The following KCNQ5 variants were observed in gnomAD, a reference collection of about 807,000 sequenced individuals.
KCNQ5 encodes the protein potassium voltage-gated channel subfamily Q member 5, also known as potassium voltage-gated channel subfamily KQT member 5.
In KCNQ5, 30 loss-of-function variants were observed where a neutral mutation model predicts 98.2. That is an observed-to-expected ratio of 0.31 (90% CI 0.23 to 0.41). The LOEUF (loss-of-function observed/expected upper bound fraction) is 0.41. Among genes scored for constraint, KCNQ5 ranks in the 10% least tolerant of loss-of-function variants. The pLI, the probability that KCNQ5 is intolerant of heterozygous loss-of-function variation, is 1.00. For synonymous variants in KCNQ5, 458 were observed against 449.4 expected (o/e 1.02, Z -0.24); for missense variants, 835 against 1,182.5 (o/e 0.71, Z 4.31).
chr6:72,716,922 TG>T (rs1561939371), intron 1 of KCNQ5, among the ~76,000 whole-genome samples: 1 of 152,244 alleles, frequency 6.6e-6, no homozygotes, highest in Admixed American at 6.5e-5. Context: ...ATCCACACAA[TG>T]TTTATTAAAC....
At chr6:72,911,076 T>C (rs573610581) in intron 1 of KCNQ5, among the ~76,000 whole-genome samples, 1 of 152,274 alleles carries the variant, frequency 6.6e-6, no homozygotes, top group Admixed American at 6.5e-5. Context: ...CCAAGGGCAA[T>C]GGAAAGCCGA....
At chr6:72,742,674 A>G (rs958464644) in intron 1 of KCNQ5, among the ~76,000 whole-genome samples, 1 of 152,226 alleles carries the variant, frequency 6.6e-6, no homozygotes, top group African/African-American at 2.4e-5. Flanking sequence ...TGATATATTT[A>G]TTAAAAACCC....
rs113928391 is a variant in KCNQ5 at position 72,622,726 on chromosome 6, G to A, written c.398+139G>A. 3,102 of 864,618 alleles carry A rather than the reference G, an allele frequency of 3.6e-3. 64 individuals are homozygous for A. The African/African-American group carries it at 0.046, about 13-fold the overall frequency. 53.6% of individuals were successfully genotyped at this position (864,618 alleles called of 1,614,324 possible). ...CTTTTATTTCTTCGCACGTGTTCGT[G>A]GTCTTCCTTCTGGAGCCTCTCCCCT... On this transcript the variant is annotated intron_variant, in intron 1 of 13. Transcript: ENST00000370398. This position sits in a 1 kb window ranked among gnomAD's most constrained non-coding sequence, Gnocchi z 6.0.
chr6:72,970,920 A>G (rs1057464989), intron 1 of KCNQ5, among the ~76,000 whole-genome samples: 1 of 152,244 alleles, frequency 6.6e-6, no homozygotes, highest in African/African-American at 2.4e-5. Flanking sequence ...AGGCAATACC[A>G]TTCAGGGCAT....
chr6:72,789,055 G>A (rs1194355131), intron 1 of KCNQ5, among the ~76,000 whole-genome samples: 5 of 152,126 alleles, frequency 3.3e-5, no homozygotes, highest in African/African-American at 1.2e-4. Flanking sequence ...TGGAGCCAAA[G>A]GCATTATCTG....
chr6:72,986,898 G>A (rs1768806101), intron 1 of KCNQ5: 10 of 855,622 alleles, frequency 1.2e-5, no homozygotes, highest in Non-Finnish European at 2.0e-5. Context: ...GCGGACACTT[G>A]CTCAGTGGGG....
intron 1 of KCNQ5, among the ~76,000 whole-genome samples, chr6:72,911,071 G>A (rs1779924582): frequency 1.3e-5 from 2 of 152,098 alleles, no homozygotes; most frequent in South Asian, 4.1e-4. Flanking sequence ...GTATCCCAAG[G>A]GCAATGGAAA....
At chr6:73,186,177 T>C (rs970132474) in intron 11 of KCNQ5, among the ~76,000 whole-genome samples, 2 of 151,896 alleles carry the variant, frequency 1.3e-5, no homozygotes, top group Non-Finnish European at 2.9e-5. Context: ...CAATGAGCCA[T>C]GATTGTGCCA....
At chr6:72,796,160 T>G (rs1191089180) in intron 1 of KCNQ5, among the ~76,000 whole-genome samples, 3 of 152,142 alleles carry the variant, frequency 2.0e-5, no homozygotes, top group Non-Finnish European at 2.9e-5. Context: ...ATTTGCCTAT[T>G]ATAGGCAAGT....
At chr6:72,698,662 T>C (rs1374620810) in intron 1 of KCNQ5, among the ~76,000 whole-genome samples, 3 of 143,880 alleles carry the variant, frequency 2.1e-5, no homozygotes, top group African/African-American at 7.7e-5. Flanking sequence ...TTTTTTTTTT[T>C]TTTTTTTTGG....
At chr6:72,990,668 G>T (rs1769051813) in intron 1 of KCNQ5, among the ~76,000 whole-genome samples, 1 of 124,870 alleles carries the variant, frequency 8.0e-6, no homozygotes, top group Non-Finnish European at 1.6e-5. Context: ...CTGCCTGATT[G>T]CCCTGGCCAG....
intron 1 of KCNQ5, among the ~76,000 whole-genome samples, chr6:72,951,711 T>C (rs1766816963): frequency 6.6e-6 from 1 of 152,214 alleles, no homozygotes; most frequent in Non-Finnish European, 1.5e-5. Context: ...TTATTTTATT[T>C]TAATCCACAG....
At chr6:72,975,239 A>ATT (rs565054587) in intron 1 of KCNQ5, among the ~76,000 whole-genome samples, 2 of 146,792 alleles carry the variant, frequency 1.4e-5, no homozygotes, top group Non-Finnish European at 3.0e-5. Flanking sequence ...ATCAACTTCA[A>ATT]TTTTTTTTTT....
chr6:72,942,116 G>A (rs1286191797), intron 1 of KCNQ5, among the ~76,000 whole-genome samples: 1 of 152,154 alleles, frequency 6.6e-6, no homozygotes, highest in Non-Finnish European at 1.5e-5. Flanking sequence ...AGGGAGGCAG[G>A]TAACAGAGGT....
intron 1 of KCNQ5, among the ~76,000 whole-genome samples, chr6:72,756,875 AT>A (rs1270376618): frequency 6.6e-6 from 1 of 152,152 alleles, no homozygotes; most frequent in South Asian, 2.1e-4. Flanking sequence ...AAGTAAATGC[AT>A]TAAAAACAAT....
Position 72,676,150 on chromosome 6 carries a change from A to G in KCNQ5, c.398+53563A>G, listed in dbSNP as rs544346125. ...ACTAACCTGACTTGATCTACTGCAC[A>G]TCCTATTTCGTACTTCATGAAAAAG... On this transcript the variant is annotated intron_variant, in intron 1 of 13. Coordinates refer to ENST00000370398, the MANE Select transcript of KCNQ5 (RefSeq NM_019842.4). Among the ~76,000 whole-genome samples, 6 of 152,316 alleles carry G rather than the reference A, an allele frequency of 3.9e-5. No homozygotes were observed. In the East Asian group the frequency reaches 9.6e-4, roughly 24 times the overall value.
At chr6:73,086,421 C>G (rs957737349) in intron 5 of KCNQ5, among the ~76,000 whole-genome samples, 1 of 152,142 alleles carries the variant, frequency 6.6e-6, no homozygotes, top group African/African-American at 2.4e-5. Flanking sequence ...TGCCCTTAAC[C>G]GAATTCCTTC....
chr6:72,978,262 T>A (rs1768251847), intron 1 of KCNQ5, among the ~76,000 whole-genome samples: 1 of 152,224 alleles, frequency 6.6e-6, no homozygotes, highest in Admixed American at 6.5e-5. Context: ...TCACAGTTAT[T>A]TTTCCTGGAA....
chr6:72,894,554 G>A (rs1779172613), intron 1 of KCNQ5, among the ~76,000 whole-genome samples: 1 of 152,188 alleles, frequency 6.6e-6, no homozygotes, highest in East Asian at 1.9e-4. Flanking sequence ...CAAATACTAA[G>A]AGGTGAAGAA....
Sources: gnomAD v4.1 joint callset for allele counts (sites outside exome capture counted in the v4.1 genomes callset) on GRCh38, gnomAD v4.1.1 for gene constraint, Gnocchi (gnomAD v3.1) non-coding constraint, MANE v1.5 for transcripts, NCBI Gene and HGNC (gene_info 2026-07-23, HGNC 2026-07-21) for gene names.